LUZP2: variants seen among roughly 807,000 people sequenced by gnomAD.
LUZP2 encodes leucine zipper protein 2.
In LUZP2, 52 loss-of-function variants were observed where a neutral mutation model predicts 51.6. That is an observed-to-expected ratio of 1.01 (90% CI 0.81 to 1.27). LUZP2 has a LOEUF of 1.27. Ranked by LOEUF, LUZP2 falls within the 50% of genes most tolerant of loss-of-function variation. The pLI is 0.00. For synonymous variants in LUZP2, 154 were observed against 137.3 expected (o/e 1.12, Z -0.85); for missense variants, 436 against 395.4 (o/e 1.10, Z -0.87).
At chr11:25,035,124 A>G (rs1364744992) in intron 9 of LUZP2, among the ~76,000 whole-genome samples, 1 of 152,134 alleles carries the variant, frequency 6.6e-6, no homozygotes, top group Non-Finnish European at 1.5e-5. Context: ...GAAAACTGGA[A>G]CAACGCAAGG....
chr11:25,042,367 T>A (rs1265901954), intron 9 of LUZP2, among the ~76,000 whole-genome samples: 1 of 152,172 alleles, frequency 6.6e-6, no homozygotes, highest in Non-Finnish European at 1.5e-5. Flanking sequence ...AACATGAATT[T>A]TGAGTACCAT....
At chr11:24,818,936 A>G (rs2631511) in intron 5 of LUZP2, among the ~76,000 whole-genome samples, 119,998 of 151,978 alleles carry the variant, frequency 0.79, 47,533 homozygotes, top group African/African-American at 0.82. Flanking sequence ...TACAATGTTC[A>G]TAGAAGGAGC....
At chr11:24,658,875 C>T (rs1855912717) in intron 1 of LUZP2, among the ~76,000 whole-genome samples, 1 of 152,206 alleles carries the variant, frequency 6.6e-6, no homozygotes, top group Non-Finnish European at 1.5e-5. Flanking sequence ...AATGAGATAG[C>T]ATCTCACACC....
At chr11:24,681,886 A>T (rs1197449687) in intron 1 of LUZP2, among the ~76,000 whole-genome samples, 1 of 152,068 alleles carries the variant, frequency 6.6e-6, no homozygotes, top group African/African-American at 2.4e-5. Flanking sequence ...TTTTTGAAAT[A>T]AAAAAAATCA....
intron 1 of LUZP2, among the ~76,000 whole-genome samples, chr11:24,698,029 C>G (rs1041420589): frequency 1.1e-4 from 16 of 152,118 alleles, no homozygotes; most frequent in Admixed American, 1.0e-3. Flanking sequence ...TCCCTAGACC[C>G]CTTCCTGCCA....
At chr11:24,898,287 G>A (rs1467077470) in intron 5 of LUZP2, among the ~76,000 whole-genome samples, 1 of 152,038 alleles carries the variant, frequency 6.6e-6, no homozygotes, top group Non-Finnish European at 1.5e-5. Context: ...CCTTGTATCT[G>A]TTTTCAGGTA....
intron 1 of LUZP2, among the ~76,000 whole-genome samples, chr11:24,521,371 T>C (rs916350891): frequency 1.6e-5 from 1 of 64,414 alleles, no homozygotes; most frequent in Admixed American, 2.0e-4. Flanking sequence ...AAAAAAAAGG[T>C]GGGGGTGGGG....
chr11:25,016,568 G>A (rs920455694), intron 9 of LUZP2, among the ~76,000 whole-genome samples: 9 of 151,840 alleles, frequency 5.9e-5, no homozygotes, highest in African/African-American at 9.7e-5. Flanking sequence ...CATGGTGTGG[G>A]TGTACCTATA....
At chr11:24,749,757 C>T (rs181422545) in intron 4 of LUZP2, among the ~76,000 whole-genome samples, 4 of 152,306 alleles carry the variant, frequency 2.6e-5, no homozygotes, top group Admixed American at 2.6e-4. Context: ...GGACATCAGA[C>T]TCCAGGTTCT....
At chr11:24,857,288 T>C (rs201678784) in intron 5 of LUZP2, among the ~76,000 whole-genome samples, 1,718 of 79,444 alleles carry the variant, frequency 0.022, 48 homozygotes, top group East Asian at 0.15. Flanking sequence ...TATATATATA[T>C]ACATATATAT....
intron 1 of LUZP2, among the ~76,000 whole-genome samples, chr11:24,722,083 G>T (rs1858293252): frequency 6.6e-6 from 1 of 152,132 alleles, no homozygotes. Flanking sequence ...ATTCCAGGTT[G>T]TTTGCAGGTC....
chr11:24,619,997 A>T (rs913485673), intron 1 of LUZP2, among the ~76,000 whole-genome samples: 1 of 152,176 alleles, frequency 6.6e-6, no homozygotes, highest in African/African-American at 2.4e-5. Flanking sequence ...TAACATAAGC[A>T]TTATTTCTAT....
intron 10 of LUZP2, among the ~76,000 whole-genome samples, chr11:25,070,630 C>T (rs1324822599): frequency 6.6e-6 from 1 of 151,976 alleles, no homozygotes; most frequent in Non-Finnish European, 1.5e-5. Context: ...AAGTCCCTAA[C>T]TAGCATTTGA....
chr11:24,512,429 A>T (rs1850339781), intron 1 of LUZP2, among the ~76,000 whole-genome samples: 1 of 152,234 alleles, frequency 6.6e-6, no homozygotes, highest in Non-Finnish European at 1.5e-5. Flanking sequence ...GGAAAAAAGC[A>T]AATATAATAA....
intron 5 of LUZP2, among the ~76,000 whole-genome samples, chr11:24,866,148 ACACACG>A (rs1851890274): frequency 1.3e-5 from 1 of 75,612 alleles, no homozygotes; most frequent in South Asian, 6.1e-4. Flanking sequence ...ACACACACAC[ACACACG>A]TATATATTTA....
chr11:24,745,964 T>A (rs572163071), intron 4 of LUZP2, among the ~76,000 whole-genome samples: 2 of 152,098 alleles, frequency 1.3e-5, no homozygotes, highest in Non-Finnish European at 2.9e-5. Flanking sequence ...AGGCATGAGC[T>A]ACTGTGCCCA....
chr11:25,001,404 C>T (rs1045538984), intron 9 of LUZP2, among the ~76,000 whole-genome samples: 2 of 152,092 alleles, frequency 1.3e-5, no homozygotes, highest in African/African-American at 4.8e-5. Flanking sequence ...CTAGTCCTGT[C>T]CTGAAGGGAG....
At chr11:24,761,517 G>C (rs1859978999) in intron 4 of LUZP2, among the ~76,000 whole-genome samples, 1 of 152,054 alleles carries the variant, frequency 6.6e-6, no homozygotes, top group African/African-American at 2.4e-5. Flanking sequence ...ATGATAATGG[G>C]AAAAATCATT....
At chr11:24,868,302 C>T (rs1851957009) in intron 5 of LUZP2, among the ~76,000 whole-genome samples, 1 of 150,950 alleles carries the variant, frequency 6.6e-6, no homozygotes, top group African/African-American at 2.4e-5. Flanking sequence ...ACAAACAAAC[C>T]TCACCTCATT....
Sources: allele counts gnomAD v4.1 joint callset (sites outside exome capture counted in the v4.1 genomes callset), GRCh38; gene constraint gnomAD v4.1.1; transcripts MANE v1.5; gene names NCBI Gene and HGNC (gene_info 2026-07-23, HGNC 2026-07-21).